SLCO1C1: variants seen among roughly 807,000 people sequenced by gnomAD.
SLCO1C1 encodes the protein OAT-RP-5.
SLCO1C1 carries 70 observed loss-of-function variants against 76.4 expected under a neutral mutation model. The ratio of observed to expected loss-of-function variants is 0.92; its 90% confidence interval spans 0.76 to 1.12. The LOEUF (loss-of-function observed/expected upper bound fraction) is 1.12. SLCO1C1 is among the 50% of genes most tolerant of loss of function. The pLI is 0.00. For missense variants in SLCO1C1, 912 were observed against 823.8 expected, an observed-to-expected ratio of 1.11 and a Z score of -1.31; for synonymous variants, 306 against 286.1, an observed-to-expected ratio of 1.07 and a Z score of -0.70.
chr12:20,710,633 A>AT (rs1947043462), intron 4 of SLCO1C1, among the ~76,000 whole-genome samples: 1 of 152,156 alleles, frequency 6.6e-6, no homozygotes, highest in Non-Finnish European at 1.5e-5. Flanking sequence ...AAAGGGTGGA[A>AT]TTAGAAGTAA....
At chr12:20,748,528 T>A (rs1167695212) in intron 13 of SLCO1C1, among the ~76,000 whole-genome samples, 3 of 152,082 alleles carry the variant, frequency 2.0e-5, no homozygotes, top group Non-Finnish European at 4.4e-5. Flanking sequence ...ATTGATATGC[T>A]ACTCTATCTA....
At chr12:20,745,518 C>G (rs969863078) in intron 13 of SLCO1C1, among the ~76,000 whole-genome samples, 1 of 151,780 alleles carries the variant, frequency 6.6e-6, no homozygotes, top group Non-Finnish European at 1.5e-5. Flanking sequence ...AAAAGTGATA[C>G]AAGTATAAAA....
Position 20,732,978 on chromosome 12 carries a change from T to A in SLCO1C1, c.1256T>A (p.Ile419Asn). The A allele has an allele frequency of 6.2e-7, 1 of 1,614,046 alleles. No individual in the cohort carries two copies. The highest frequency in any genetic ancestry group is 8.5e-7 in the Non-Finnish European group (1 of 1,179,964). ...SGGIVMKKFR[I>N]SVCGAAKLYL... The stretch of plus-strand genomic sequence containing the variant: ...GGGATAGTTATGAAAAAATTCAGAA[T>A]CAGTGTGTGTGGAGCTGCAAAACTC... Residue 419 changes from isoleucine (I) to asparagine (N), a missense_variant, in exon 10 of 15, where the codon ATC (isoleucine) becomes AAC (asparagine). Ile to Asn is a moderately radical substitution (Grantham distance 149, BLOSUM62 -3). Coordinates refer to ENST00000266509, the MANE Select transcript of SLCO1C1 (RefSeq NM_017435.5).
chr12:20,711,387 T>C lies in SLCO1C1; in HGVS notation c.406T>C (p.Tyr136His), dbSNP rs1479783316. 6.2e-7 allele frequency: 1 copy of C among 1,611,790 alleles called. No individual in the cohort carries two copies. Among genetic ancestry groups the C allele is most frequent in the Non-Finnish European group, 8.5e-7 (1 of 1,179,096 alleles). ...GAAGAAAACATTCCTCTTATGCAGG[T>C]ACAAATATGAGAGATATTCTCCTTC... is the stretch of plus-strand genomic sequence containing the variant. Reference protein sequence around the residue: ...IAMPQFFMEQYKYERYSPSSN... With the variant: ...IAMPQFFMEQHKYERYSPSSN... The change falls in exon 5 of 15, where the codon TAC (tyrosine) becomes CAC (histidine). Residue 136 changes from tyrosine (Y) to histidine (H), a missense_variant and splice_region_variant. Transcript: ENST00000266509.
In SLCO1C1 at chr12:20,742,721, T is replaced by C. The variant is rs1176481067; in HGVS notation, c.1734-584T>C. Among the ~76,000 whole-genome samples, 83 of 127,770 alleles carry C rather than the reference T, an allele frequency of 6.5e-4. 2 individuals carry two copies. Among genetic ancestry groups the C allele is most frequent in the Non-Finnish European group, 3.7e-4 (22 of 58,944 alleles). 83.8% of individuals were successfully genotyped at this position (127,770 alleles called of 152,430 possible). On this transcript the variant is annotated intron_variant, in intron 12 of 14. Transcript: ENST00000266509. ...GCTAATTTTTTTTTTTTTTTTTTTTTAGTAGAGACGGGGTTTCACCGTGTT... is the reference window on the plus strand; with the variant it reads ...GCTAATTTTTTTTTTTTTTTTTTTTCAGTAGAGACGGGGTTTCACCGTGTT...
chr12:20,739,011 A>T (rs1295224726), intron 11 of SLCO1C1, among the ~76,000 whole-genome samples: 1 of 152,200 alleles, frequency 6.6e-6, no homozygotes, highest in Non-Finnish European at 1.5e-5. Flanking sequence ...AAATGATAAC[A>T]TTATATATAT....
chr12:20,722,877 G>A (rs754546009), intron 8 of SLCO1C1, among the ~76,000 whole-genome samples: 3 of 152,162 alleles, frequency 2.0e-5, no homozygotes, highest in Non-Finnish European at 4.4e-5. Context: ...CTGTAGAAAT[G>A]AGTGCCTATG....
At chr12:20,727,315 C>A (rs1199586176) in intron 9 of SLCO1C1, among the ~76,000 whole-genome samples, 1 of 152,188 alleles carries the variant, frequency 6.6e-6, no homozygotes, top group Non-Finnish European at 1.5e-5. Context: ...TACATTCCCA[C>A]CAACAACCTA....
chr12:20,729,562 G>C (rs1948176372), intron 9 of SLCO1C1, among the ~76,000 whole-genome samples: 1 of 151,888 alleles, frequency 6.6e-6, no homozygotes, highest in Admixed American at 6.6e-5. Context: ...TGATGAGCAA[G>C]AAAATGGGGT....
chr12:20,712,209 A>G (rs1947142476), intron 5 of SLCO1C1, among the ~76,000 whole-genome samples: 1 of 152,168 alleles, frequency 6.6e-6, no homozygotes, highest in African/African-American at 2.4e-5. Context: ...GGATGCAGGA[A>G]TTTTATCAAA....
intron 13 of SLCO1C1, among the ~76,000 whole-genome samples, chr12:20,743,680 C>A (rs1948919618): frequency 6.6e-6 from 1 of 151,880 alleles, no homozygotes; most frequent in Non-Finnish European, 1.5e-5. Flanking sequence ...ATGGCTTTAA[C>A]AAGAGAGCTC....
intron 11 of SLCO1C1, 121 bp downstream of exon 11, chr12:20,737,393 C>T: frequency 2.0e-6 from 2 of 1,014,950 alleles, no homozygotes; most frequent in South Asian, 2.2e-5. Flanking sequence ...TCTGCCTGGT[C>T]CTTTTTTGTA....
intron 12 of SLCO1C1, among the ~76,000 whole-genome samples, chr12:20,741,415 G>A (rs1948811198): frequency 6.6e-6 from 1 of 151,810 alleles, no homozygotes; most frequent in East Asian, 1.9e-4. Context: ...ATTGATTTCT[G>A]GTATATTATA....
chr12:20,740,163 C>T lies in SLCO1C1; in HGVS notation c.1549-21C>T, dbSNP rs1328855170. 2.5e-6 allele frequency: 4 copies of T among 1,583,692 alleles called. No individual in the cohort carries two copies. In the East Asian group the frequency reaches 9.1e-5, roughly 36 times the overall value. ...TTTAAATGTTACTGAAATAATTGGACTTTTCCCTATCGTGTTACAGATATT... is the reference window on the plus strand; with the variant it reads ...TTTAAATGTTACTGAAATAATTGGATTTTTCCCTATCGTGTTACAGATATT... On this transcript the variant is annotated intron_variant, in intron 11 of 14. Transcript: ENST00000266509.
In SLCO1C1 at chr12:20,699,709, G is replaced by A. The variant is rs767085523; in HGVS notation, c.129+4G>A. The stretch of plus-strand genomic sequence containing the variant: ...ACCATGCTGTGGTGAACTAAAGGTA[G>A]AGCAACCAAGAAGTAAATAGTGTTG... On this transcript the variant is annotated splice_donor_region_variant and intron_variant, in intron 2 of 14. Coordinates refer to ENST00000266509, the MANE Select transcript of SLCO1C1 (RefSeq NM_017435.5). The A allele has an allele frequency of 6.2e-7, 1 of 1,604,956 alleles. No homozygotes were observed. The highest frequency in any genetic ancestry group is 8.5e-7 in the Non-Finnish European group (1 of 1,176,470).
intron 5 of SLCO1C1, among the ~76,000 whole-genome samples, chr12:20,712,177 ACT>A (rs1239732669): frequency 6.6e-6 from 1 of 151,894 alleles, no homozygotes; most frequent in Non-Finnish European, 1.5e-5. Context: ...CATGGAAATA[ACT>A]CTATTTTTCA....
intron 3 of SLCO1C1, among the ~76,000 whole-genome samples, chr12:20,703,948 A>AGT (rs1454879675): frequency 1.8e-4 from 18 of 102,032 alleles, no homozygotes; most frequent in African/African-American, 6.2e-4. Context: ...TGTTATCTCG[A>AGT]GTGTGTCTGT....
At position 20,699,424 on chromosome 12, in the gene SLCO1C1, T is replaced by C. The variant is rs1592213082; in HGVS notation, c.-25-128T>C. ...TTTTAATTGAAAACATTTGCCAACT[T>C]ACTGTGACAACAAAAGGTAGATTCA... On this transcript the variant is annotated intron_variant, in intron 1 of 14. Coordinates refer to ENST00000266509, the MANE Select transcript of SLCO1C1 (RefSeq NM_017435.5). 9.3e-6 allele frequency: 7 copies of C among 750,164 alleles called. No individual in the cohort carries two copies. The South Asian group carries it at 1.9e-4, about 20-fold the overall frequency. 46.5% of individuals were successfully genotyped at this position (750,164 alleles called of 1,614,324 possible). A position where few individuals can be genotyped will look rare whatever the true frequency, so the allele number is the denominator to read the frequency against.
At chr12:20,749,368 T>A (rs886905045) in intron 13 of SLCO1C1, among the ~76,000 whole-genome samples, 1 of 152,156 alleles carries the variant, frequency 6.6e-6, no homozygotes, top group African/African-American at 2.4e-5. Context: ...GGACTCCAAG[T>A]GTAGGCAGCG....
Sources: gnomAD v4.1 joint callset for allele counts (sites outside exome capture counted in the v4.1 genomes callset) on GRCh38, gnomAD v4.1.1 for gene constraint, MANE v1.5 for transcripts, NCBI Gene and HGNC (gene_info 2026-07-23, HGNC 2026-07-21) for gene names.